SFMBT2: variants seen among roughly 807,000 people sequenced by gnomAD.
SFMBT2 encodes Scm like with four mbt domains 2.
Under a neutral mutation model 110.1 loss-of-function variants are expected in SFMBT2, and 38 were observed. The observed-to-expected ratio is 0.35, with a 90% CI of 0.27 to 0.45. The LOEUF (loss-of-function observed/expected upper bound fraction) is 0.45. SFMBT2 is among the 20% of genes least tolerant of loss of function. The pLI, the probability that SFMBT2 is intolerant of heterozygous loss-of-function variation, is 1.00. For synonymous variants in SFMBT2, 425 were observed against 425.4 expected, an observed-to-expected ratio of 1.00 and a Z score of 0.01; for missense variants, 1,011 against 1,094.9, an observed-to-expected ratio of 0.92 and a Z score of 1.08.
At chr10:7,354,148 A>G (rs77114768) in intron 4 of SFMBT2, among the ~76,000 whole-genome samples, 6,697 of 151,964 alleles carry the variant, frequency 0.044, 471 homozygotes, top group African/African-American at 0.15. Context: ...CATAAGTACT[A>G]CTTTAACAGC....
chr10:7,182,649 T>C (rs1004340827), intron 16 of SFMBT2, among the ~76,000 whole-genome samples: 1 of 138,878 alleles, frequency 7.2e-6, no homozygotes, highest in Non-Finnish European at 1.5e-5. Context: ...TTCTCACTCA[T>C]AGGTGGGAAT....
At chr10:7,179,391 G>GAAAAAAAAA (rs57497418) in intron 16 of SFMBT2, among the ~76,000 whole-genome samples, 317 of 70,244 alleles carry the variant, frequency 4.5e-3, no homozygotes, top group Middle Eastern at 0.013. Context: ...TTGCATTTTC[G>GAAAAAAAAA]AAAAAAAAAA....
intron 4 of SFMBT2, among the ~76,000 whole-genome samples, chr10:7,320,854 T>A (rs1050444909): frequency 6.6e-6 from 1 of 152,164 alleles, no homozygotes; most frequent in Non-Finnish European, 1.5e-5. Context: ...CTAAACTGCC[T>A]GTTAAGAGAG....
In SFMBT2 at chr10:7,226,618, T is replaced by C. The variant is rs1839903567; in HGVS notation, c.1203+1237A>G. 5.3e-5 allele frequency among the ~76,000 whole-genome samples: 8 copies of C among 152,350 alleles called. No individual in the cohort carries two copies. In the South Asian group the frequency reaches 1.7e-3, roughly 32 times the overall value. ...TTAACTTTCCTAACTAAAAGCATGTTGAACACAGTAGACTATACATTTAAG... is the reference window on the plus strand; with the variant it reads ...TTAACTTTCCTAACTAAAAGCATGTCGAACACAGTAGACTATACATTTAAG... On this transcript the variant is annotated intron_variant, in intron 10 of 20. Coordinates refer to ENST00000397167, the MANE Select transcript of SFMBT2 (RefSeq NM_001387889.1).
At chr10:7,185,915 C>T (rs555999503) in intron 16 of SFMBT2, among the ~76,000 whole-genome samples, 1 of 151,882 alleles carries the variant, frequency 6.6e-6, no homozygotes, top group Non-Finnish European at 1.5e-5. Flanking sequence ...TATTTAAATT[C>T]ATTGGCAAGA....
intron 16 of SFMBT2, among the ~76,000 whole-genome samples, chr10:7,187,913 T>A (rs1305388837): frequency 6.6e-6 from 1 of 152,200 alleles, no homozygotes. Flanking sequence ...TTGAAACCCA[T>A]AGATGAATAT....
chr10:7,170,895 C>T lies in SFMBT2; in HGVS notation c.2544+33G>A, dbSNP rs138548214. 7.2e-4 allele frequency: 1,169 copies of T among 1,613,694 alleles called. 7 individuals carry two copies. The African/African-American group carries it at 0.014, about 20-fold the overall frequency. ...TCATTTCAGATGCAGAGTCTCAGCACATCAAACAATCGACACGCGGCAACC... is the reference window on the plus strand; with the variant it reads ...TCATTTCAGATGCAGAGTCTCAGCATATCAAACAATCGACACGCGGCAACC... On this transcript the variant is annotated intron_variant, in intron 20 of 20. Coordinates refer to ENST00000397167, the MANE Select transcript of SFMBT2 (RefSeq NM_001387889.1). This position sits in a 1 kb window ranked among gnomAD's most constrained non-coding sequence, Gnocchi z 4.6.
chr10:7,252,777 G>C (rs1217695463), intron 7 of SFMBT2, among the ~76,000 whole-genome samples: 1 of 152,102 alleles, frequency 6.6e-6, no homozygotes, highest in Non-Finnish European at 1.5e-5. Context: ...ATTGGTCTTT[G>C]TCCCTGGTAT....
chr10:7,193,297 C>T (rs1838660386), intron 15 of SFMBT2, among the ~76,000 whole-genome samples: 1 of 152,144 alleles, frequency 6.6e-6, no homozygotes, highest in South Asian at 2.1e-4. Context: ...CCACAGATGG[C>T]CCACATGAAA....
At chr10:7,279,195 G>A (rs186419233) in intron 6 of SFMBT2, among the ~76,000 whole-genome samples, 241 of 150,786 alleles carry the variant, frequency 1.6e-3, no homozygotes, top group African/African-American at 5.8e-3. Context: ...GGATGCTCTG[G>A]CCCCAGTGGG....
intron 4 of SFMBT2, among the ~76,000 whole-genome samples, chr10:7,291,964 A>G (rs1842274377): frequency 6.6e-6 from 1 of 152,144 alleles, no homozygotes; most frequent in Non-Finnish European, 1.5e-5. Context: ...GAGCCTCCCC[A>G]GCTGCAGCCC....
At position 7,243,578 on chromosome 10, in the gene SFMBT2, A is replaced by T; in HGVS notation, c.1100T>A (p.Val367Asp). The change falls in exon 9 of 21, where the codon GTC (valine) becomes GAC (aspartate). Residue 367 changes from valine to aspartate, a missense_variant. Around this residue, in one of 2 missense-constraint regions of SFMBT2, gnomAD observed 979 missense variants for 1,016.1 expected, o/e 0.96. Coordinates refer to ENST00000397167, the MANE Select transcript of SFMBT2 (RefSeq NM_001387889.1). Reference protein sequence around the residue: ...LPVQWCLKNGVSLTPPKGYSG... With the variant: ...LPVQWCLKNGDSLTPPKGYSG... ...CAAACCTTTGGGAGGAGTGAGGCTG[A>T]CTCCATTTTTAAGGCACCACTGTAC... 1.1e-6 allele frequency: 1 copy of T among 872,872 alleles called. No homozygotes were observed. The highest frequency in any genetic ancestry group is 1.3e-5 in the South Asian group (1 of 76,534). 54.1% of individuals were successfully genotyped at this position (872,872 alleles called of 1,614,324 possible). A position where few individuals can be genotyped will look rare whatever the true frequency, so the allele number is the denominator to read the frequency against.
rs938565375 is a variant in SFMBT2, at chr10:7,172,606, G to T, written c.2040C>A (p.Asn680Lys). The change falls in exon 18 of 21, where the codon AAC becomes AAA. Residue 680 changes from asparagine to lysine, a missense_variant. Transcript: ENST00000397167. The surrounding 1 kb of genome is among the most constrained non-coding windows in gnomAD (Gnocchi z 4.6). ...KISKPPIGES[N>K]PDSGHPKPAR... ...CGGGTTTGGGGTGTCCGCTGTCGGG[G>T]TTGCTTTCCCCGATGGGGGGCTTGG... The T allele has an allele frequency of 8.1e-6, 13 of 1,614,108 alleles. 1 individual carries two copies. The highest frequency in any genetic ancestry group is 7.7e-5 in the South Asian group (7 of 91,086).
At chr10:7,287,823 C>T (rs1006654012) in intron 4 of SFMBT2, among the ~76,000 whole-genome samples, 4 of 152,300 alleles carry the variant, frequency 2.6e-5, no homozygotes, top group East Asian at 1.9e-4. Context: ...TGGGCCCCAA[C>T]GGGGGATCCA....
At chr10:7,345,076 C>G (rs1844065696) in intron 4 of SFMBT2, among the ~76,000 whole-genome samples, 1 of 151,060 alleles carries the variant, frequency 6.6e-6, no homozygotes, top group African/African-American at 2.4e-5. Flanking sequence ...AGTGAAAGAA[C>G]CCTGACAGGG....
chr10:7,182,663 A>C (rs113182639), intron 16 of SFMBT2, among the ~76,000 whole-genome samples: 17 of 144,750 alleles, frequency 1.2e-4, no homozygotes, highest in African/African-American at 3.8e-4. Context: ...TGGGAATTGA[A>C]CAATGAGAAC....
At chr10:7,252,083 C>G (rs1337275247) in intron 7 of SFMBT2, among the ~76,000 whole-genome samples, 3 of 152,232 alleles carry the variant, frequency 2.0e-5, no homozygotes, top group Non-Finnish European at 4.4e-5. Context: ...TACCCATAAC[C>G]CTAAGCCCTT....
chr10:7,362,449 G>C (rs1015961839), intron 4 of SFMBT2, among the ~76,000 whole-genome samples: 1 of 152,172 alleles, frequency 6.6e-6, no homozygotes, highest in Non-Finnish European at 1.5e-5. Context: ...AGGGTCCTAA[G>C]TGCTCTGTAA....
At chr10:7,307,974 C>A (rs936976539) in intron 4 of SFMBT2, among the ~76,000 whole-genome samples, 1 of 152,154 alleles carries the variant, frequency 6.6e-6, no homozygotes, top group African/African-American at 2.4e-5. Flanking sequence ...GAAAATAAGA[C>A]AGCTTATTAA....
Sources: gnomAD v4.1 joint callset for allele counts (sites outside exome capture counted in the v4.1 genomes callset) on GRCh38, gnomAD v4.1.1 for gene constraint, gnomAD v4.1.1 regional missense constraint, Gnocchi (gnomAD v3.1) non-coding constraint, MANE v1.5 for transcripts, NCBI Gene and HGNC (gene_info 2026-07-23, HGNC 2026-07-21) for gene names.